The following MPHOSPH9 variants were observed in gnomAD, a reference collection of about 807,000 sequenced individuals.
MPHOSPH9 encodes the protein M-phase phosphoprotein 9.
Under a neutral mutation model 145.5 loss-of-function variants are expected in MPHOSPH9, and 88 were observed. That is an observed-to-expected ratio of 0.60 (90% CI 0.51 to 0.72). The LOEUF (loss-of-function observed/expected upper bound fraction) is 0.72, where lower values mean the gene tolerates loss of function less well. Ranked by LOEUF, MPHOSPH9 falls within the 30% of genes least tolerant of loss-of-function variation. MPHOSPH9 has a pLI of 0.00. For synonymous variants in MPHOSPH9, 435 were observed against 486.2 expected, an observed-to-expected ratio of 0.89 and a Z score of 1.39; for missense variants, 1,238 against 1,386.6, an observed-to-expected ratio of 0.89 and a Z score of 1.70.
chr12:123,193,643 A>G lies in MPHOSPH9; in HGVS notation c.2241+743T>C, dbSNP rs192679228. Among the ~76,000 whole-genome samples the G allele has an allele frequency of 7.7e-4, 117 of 152,196 alleles. 2 individuals carry two copies. The highest frequency in any genetic ancestry group is 2.7e-3 in the African/African-American group (112 of 41,540). ...AGAACAAAAAGAAAGAAAAATTTAG[A>G]AAAAAATAAGCAACCTGAAACCTAA... On this transcript the variant is annotated intron_variant, in intron 13 of 23. Coordinates refer to ENST00000606320, the MANE Select transcript of MPHOSPH9 (RefSeq NM_022782.4).
At chr12:123,225,521 G>A (rs1294846532) in intron 3 of MPHOSPH9, among the ~76,000 whole-genome samples, 7 of 116,250 alleles carry the variant, frequency 6.0e-5, no homozygotes, top group Non-Finnish European at 1.0e-4. Context: ...AGGAAGGAAG[G>A]AAGAAAGGAA....
intron 23 of MPHOSPH9, 115 bp from the exon 24 acceptor site, chr12:123,157,023 T>C (rs1165804852): frequency 3.2e-6 from 2 of 630,152 alleles, no homozygotes; most frequent in East Asian, 5.5e-5. Context: ...AAATTACAAT[T>C]ATTTTGCTTT....
intron 23 of MPHOSPH9, among the ~76,000 whole-genome samples, chr12:123,158,322 G>T (rs1406333028): frequency 6.6e-6 from 1 of 152,060 alleles, no homozygotes; most frequent in Non-Finnish European, 1.5e-5. Context: ...GAAAAATAAG[G>T]CCAAGCATGA....
chr12:123,187,967 T>C (rs1212359239), intron 13 of MPHOSPH9, among the ~76,000 whole-genome samples: 2 of 151,886 alleles, frequency 1.3e-5, no homozygotes, highest in Non-Finnish European at 2.9e-5. Context: ...CTAGTAAAAA[T>C]ACAAAAAGAA....
At chr12:123,196,831 T>A (rs900336903) in intron 12 of MPHOSPH9, among the ~76,000 whole-genome samples, 17 of 152,122 alleles carry the variant, frequency 1.1e-4, no homozygotes, top group Non-Finnish European at 2.2e-4. Context: ...TAAACAGGAA[T>A]GAATACTGAT....
chr12:123,182,540 C>T (rs1374417118), intron 13 of MPHOSPH9, among the ~76,000 whole-genome samples: 1 of 151,822 alleles, frequency 6.6e-6, no homozygotes, highest in Non-Finnish European at 1.5e-5. Context: ...GCCACCACGC[C>T]TGGCCTATTG....
intron 23 of MPHOSPH9, 40 bp from the exon 24 acceptor site, chr12:123,156,948 T>C (rs2043891498): frequency 2.1e-6 from 3 of 1,437,942 alleles, no homozygotes; most frequent in Admixed American, 3.4e-5. Flanking sequence ...TAGAATTCTA[T>C]ACCAAGTTCT....
intron 23 of MPHOSPH9, 120 bp downstream of exon 23, chr12:123,160,661 T>C (rs2044067358): frequency 1.2e-6 from 1 of 826,182 alleles, no homozygotes; most frequent in East Asian, 2.7e-5. Flanking sequence ...CTAAAAGTTT[T>C]GACTGCTGCT....
intron 3 of MPHOSPH9, among the ~76,000 whole-genome samples, chr12:123,226,626 C>G (rs1024918401): frequency 6.6e-6 from 1 of 151,154 alleles, no homozygotes; most frequent in Non-Finnish European, 1.5e-5. Flanking sequence ...ATTACAGGTT[C>G]TCTTTTTTTA....
chr12:123,218,784 G>C (rs962222485), intron 5 of MPHOSPH9, among the ~76,000 whole-genome samples: 1 of 152,098 alleles, frequency 6.6e-6, no homozygotes, highest in African/African-American at 2.4e-5. Flanking sequence ...CCAAAGTGCT[G>C]GGATTACAGG....
At chr12:123,222,964 G>A (rs200405552) in intron 4 of MPHOSPH9, 74 bp downstream of exon 4, 432 of 552,044 alleles carry the variant, frequency 7.8e-4, no homozygotes, top group South Asian at 1.8e-3. Flanking sequence ...ATATATATAT[G>A]TGTGTGTGTG....
chr12:123,180,665 G>A (rs569911712), intron 14 of MPHOSPH9, among the ~76,000 whole-genome samples: 1 of 152,268 alleles, frequency 6.6e-6, no homozygotes, highest in Admixed American at 6.5e-5. Context: ...TTGAGGTCAG[G>A]AACTGGAGAC....
intron 1 of MPHOSPH9, among the ~76,000 whole-genome samples, 184 bp from the exon 2 acceptor site, chr12:123,230,706 G>T (rs558120739): frequency 6.6e-6 from 1 of 152,042 alleles, no homozygotes; most frequent in African/African-American, 2.4e-5. Flanking sequence ...ATGGATAAAC[G>T]AATGAAGCAT....
At position 123,163,770 on chromosome 12, in the gene MPHOSPH9, C is replaced by A. The variant is rs144022194; in HGVS notation, c.2908+180G>T. The A allele has an allele frequency of 2.2e-3, 1,286 of 574,148 alleles. 1 individual carries two copies. The highest frequency in any genetic ancestry group is 3.3e-3 in the Non-Finnish European group (1,129 of 342,554). The allele number at this position is 574,148 out of a possible 1,614,324, so 35.6% of individuals were successfully genotyped here. On this transcript the variant is annotated intron_variant, in intron 19 of 23. Coordinates refer to ENST00000606320, the MANE Select transcript of MPHOSPH9 (RefSeq NM_022782.4). ...ATTTCTTCATTTACATTTGTAGTAT[C>A]TATGTGATCAGACAATTTTATTTAT...
At chr12:123,211,127 G>A (rs1214137604) in intron 7 of MPHOSPH9, among the ~76,000 whole-genome samples, 1 of 152,024 alleles carries the variant, frequency 6.6e-6, no homozygotes, top group Non-Finnish European at 1.5e-5. Flanking sequence ...TGAGGTTACA[G>A]GAATGCACCA....
rs571285296 is a variant in MPHOSPH9 at position 123,202,607 on chromosome 12, T to C, written c.1781+17A>G. 3.1e-6 allele frequency: 5 copies of C among 1,589,584 alleles called. No individual in the cohort carries two copies. In the Admixed American group the frequency reaches 6.8e-5, roughly 22 times the overall value. On this transcript the variant is annotated intron_variant, in intron 10 of 23. Coordinates refer to ENST00000606320, the MANE Select transcript of MPHOSPH9 (RefSeq NM_022782.4). ...GAAAATCTATTAACATTACAAGCCA[T>C]TCACTGAAATACATACTTAGACAAT...
At chr12:123,160,045 T>A (rs1012798691) in intron 23 of MPHOSPH9, 4 of 152,058 alleles carry the variant, frequency 2.6e-5, no homozygotes, top group Non-Finnish European at 4.4e-5. Flanking sequence ...CTAATTTTTG[T>A]ACTTTAGTAG....
intron 12 of MPHOSPH9, among the ~76,000 whole-genome samples, chr12:123,196,951 T>A (rs1019379094): frequency 4.0e-5 from 6 of 148,742 alleles, no homozygotes; most frequent in Non-Finnish European, 8.9e-5. Flanking sequence ...AAAAGGCAAA[T>A]GCACAGAGAA....
intron 1 of MPHOSPH9, among the ~76,000 whole-genome samples, chr12:123,242,438 T>C (rs2047954779): frequency 6.6e-6 from 1 of 152,212 alleles, no homozygotes; most frequent in South Asian, 2.1e-4. Flanking sequence ...CCCTAAAGAC[T>C]TTGGATTACT....
Sources: gnomAD v4.1 joint callset for allele counts (sites outside exome capture counted in the v4.1 genomes callset) on GRCh38, gnomAD v4.1.1 for gene constraint, MANE v1.5 for transcripts, NCBI Gene and HGNC (gene_info 2026-07-23, HGNC 2026-07-21) for gene names.